PLA2G7: variants seen among roughly 807,000 people sequenced by gnomAD.
The protein encoded by PLA2G7 is platelet-activating factor acetylhydrolase.
In PLA2G7, 63 loss-of-function variants were observed where a neutral mutation model predicts 49.6. The observed-to-expected ratio is 1.27, with a 90% CI of 1.04 to 1.57. The LOEUF is 1.57. Among genes scored for constraint, PLA2G7 ranks in the 40% most tolerant of loss-of-function variants. The pLI is 0.00. For synonymous variants in PLA2G7, 193 were observed against 169.9 expected, an observed-to-expected ratio of 1.14 and a Z score of -1.06; for missense variants, 596 against 521.2, an observed-to-expected ratio of 1.14 and a Z score of -1.40.
chr6:46,713,215 A>G (rs899390058), intron 5 of PLA2G7, among the ~76,000 whole-genome samples: 6 of 152,252 alleles, frequency 3.9e-5, no homozygotes, highest in African/African-American at 1.4e-4. Flanking sequence ...CATGCATTCA[A>G]TAGGAAATGT....
intron 1 of PLA2G7, among the ~76,000 whole-genome samples, chr6:46,727,413 G>T (rs577543998): frequency 1.8e-4 from 28 of 152,280 alleles, no homozygotes; most frequent in Non-Finnish European, 3.7e-4. Context: ...CTTAGCTCTT[G>T]TGTTATTAGT....
Position 46,704,324 on chromosome 6 carries a change from G to A in PLA2G7, c.*236C>T. 2.0e-6 allele frequency: 1 copy of A among 499,234 alleles called. No individual in the cohort carries two copies. The highest frequency in any genetic ancestry group is 3.6e-6 in the Non-Finnish European group (1 of 276,274). 30.9% of individuals were successfully genotyped at this position (499,234 alleles called of 1,614,324 possible). On this transcript the variant is annotated 3_prime_UTR_variant, in exon 12 of 12. Transcript: ENST00000274793. The stretch of plus-strand genomic sequence containing the variant: ...TAAAATTTAGGCTGATATGAATATT[G>A]TATACTGTATTCTTTCTTTACATCT...
intron 2 of PLA2G7, among the ~76,000 whole-genome samples, chr6:46,719,970 C>A (rs1765342728): frequency 6.6e-6 from 1 of 152,132 alleles, no homozygotes. Context: ...TTTTGAATTA[C>A]AAAAGGCTCT....
chr6:46,704,913 G>A (rs1241594063), intron 11 of PLA2G7, among the ~76,000 whole-genome samples: 3 of 152,164 alleles, frequency 2.0e-5, no homozygotes, highest in South Asian at 2.1e-4. Context: ...CAACATGGAA[G>A]TCCACTCTAG....
intron 1 of PLA2G7, among the ~76,000 whole-genome samples, chr6:46,724,046 T>C (rs146717211): frequency 6.6e-6 from 1 of 152,260 alleles, no homozygotes; most frequent in East Asian, 1.9e-4. Flanking sequence ...GGAATGCTCT[T>C]TGCTCTGACA....
At chr6:46,708,279 T>C in intron 9 of PLA2G7, 118 bp from the exon 10 acceptor site, 1 of 805,494 alleles carries the variant, frequency 1.2e-6, no homozygotes, top group South Asian at 1.4e-5. Context: ...TTATGGGTTA[T>C]CTCATTGGAA....
chr6:46,705,240 T>C lies in PLA2G7; in HGVS notation c.1102A>G (p.Met368Val). 4 of 1,608,238 alleles carry C rather than the reference T, an allele frequency of 2.5e-6. No homozygotes were observed. The highest frequency in any genetic ancestry group is 3.4e-6 in the Non-Finnish European group (4 of 1,174,774). Residue 368 changes from methionine to valine, a missense_variant, in exon 11 of 12, where the codon ATG (methionine) becomes GTG (valine). Transcript: ENST00000274793. The part of the protein sequence containing the change: ...TFATGKIIGH[M>V]LKLKGDIDSN... ...TCTATGTCTCCCTTTAATTTGAGCATGTGTCCAATTATTTTGCCAGTTGCA... is the reference window on the plus strand; with the variant it reads ...TCTATGTCTCCCTTTAATTTGAGCACGTGTCCAATTATTTTGCCAGTTGCA...
At chr6:46,724,625 G>A (rs996059314) in intron 1 of PLA2G7, among the ~76,000 whole-genome samples, 1 of 152,182 alleles carries the variant, frequency 6.6e-6, no homozygotes, top group African/African-American at 2.4e-5. Flanking sequence ...TTGAACAGAA[G>A]TCGTCTGCAA....
Position 46,708,018 on chromosome 6 carries a change from T to C in PLA2G7, c.1013A>G (p.Asp338Gly). 6.3e-7 allele frequency: 1 copy of C among 1,581,788 alleles called. No homozygotes were observed. Among genetic ancestry groups the C allele is most frequent in the Non-Finnish European group, 8.7e-7 (1 of 1,151,160 alleles). Reference sequence around the variant, plus strand: ...GATTGTAATCATCTTTCTTTCTTTATCAGGTGAGTAGCATTTTTTCATTTT... The same window carrying C: ...GATTGTAATCATCTTTCTTTCTTTACCAGGTGAGTAGCATTTTTTCATTTT... The part of the protein sequence containing the change: ...IIKMKKCYSP[D>G]KERKMITIRG... The change falls in exon 10 of 12, where the codon GAT becomes GGT. Residue 338 changes from aspartate (D) to glycine (G), a missense_variant. Transcript: ENST00000274793.
At chr6:46,714,640 A>G in intron 4 of PLA2G7, 87 bp from the exon 5 acceptor site, 1 of 830,000 alleles carries the variant, frequency 1.2e-6, no homozygotes, top group Non-Finnish European at 2.1e-6. Context: ...TAAAATGCAG[A>G]CCCATCTGAT....
chr6:46,723,029 A>C, intron 1 of PLA2G7, 104 bp from the exon 2 acceptor site: 1 of 677,608 alleles, frequency 1.5e-6, no homozygotes, highest in Non-Finnish European at 2.7e-6. Context: ...CTTGGAAAAA[A>C]TAAAACATGT....
intron 1 of PLA2G7, among the ~76,000 whole-genome samples, chr6:46,726,186 C>G (rs981495504): frequency 1.3e-5 from 2 of 152,150 alleles, no homozygotes; most frequent in African/African-American, 4.8e-5. Context: ...AGAGTCCTGC[C>G]TTGGGCAGGT....
intron 2 of PLA2G7, 32 bp from the exon 3 acceptor site, chr6:46,717,128 C>A: frequency 1.3e-6 from 2 of 1,581,338 alleles, no homozygotes; most frequent in South Asian, 2.2e-5. Flanking sequence ...TCTCATTTGT[C>A]ATCCATTACA....
Position 46,704,661 on chromosome 6 carries a change from TCAAG to T in PLA2G7, c.1221_1224del (p.Cys407Ter). The stretch of plus-strand genomic sequence containing the variant: ...ATAAGATTCTCATCATCTCCTTCAA[TCAAG>T]CAGTCCCACTGATCAAAATCTTTAT... On this transcript the variant is annotated frameshift_variant, in exon 12 of 12. Coordinates refer to ENST00000274793, the MANE Select transcript of PLA2G7 (RefSeq NM_005084.4). LOFTEE classifies it low-confidence loss of function (END_TRUNC). The T allele has an allele frequency of 6.3e-7, 1 of 1,578,976 alleles. No individual in the cohort carries two copies. The highest frequency in any genetic ancestry group is 8.7e-7 in the Non-Finnish European group (1 of 1,147,826).
intron 7 of PLA2G7, among the ~76,000 whole-genome samples, chr6:46,711,193 A>G (rs531350639): frequency 2.6e-5 from 4 of 152,300 alleles, no homozygotes; most frequent in African/African-American, 9.6e-5. Context: ...GTCTGTGAGG[A>G]AGAATCTATT....
At chr6:46,716,101 C>G (rs1323623004) in intron 4 of PLA2G7, among the ~76,000 whole-genome samples, 1 of 152,160 alleles carries the variant, frequency 6.6e-6, no homozygotes, top group Non-Finnish European at 1.5e-5. Flanking sequence ...CACGGTATTG[C>G]CTTCTCCATG....
chr6:46,729,588 G>T (rs922437620), intron 1 of PLA2G7, among the ~76,000 whole-genome samples: 2 of 152,110 alleles, frequency 1.3e-5, no homozygotes, highest in African/African-American at 4.8e-5. Context: ...GTTAAATAAC[G>T]TGCCCAAGTT....
At chr6:46,719,921 T>A (rs924698402) in intron 2 of PLA2G7, among the ~76,000 whole-genome samples, 1 of 152,248 alleles carries the variant, frequency 6.6e-6, no homozygotes, top group Admixed American at 6.5e-5. Flanking sequence ...AGAAACTTTT[T>A]TTTTAAACTT....
rs200160568 is a variant in PLA2G7 at position 46,709,435 on chromosome 6, G to C, written c.778-17C>G. 1.1e-4 allele frequency: 148 copies of C among 1,370,536 alleles called. 2 individuals carry two copies. The South Asian group carries it at 1.6e-3, about 15-fold the overall frequency. The allele number at this position is 1,370,536 out of a possible 1,614,324, so 84.9% of individuals were successfully genotyped here. ...AATAGAGTCCTATTTGAAAAAGCAT[G>C]ATATAAATTTATAGCTATTTCGTGG... is the stretch of plus-strand genomic sequence containing the variant. On this transcript the variant is annotated splice_polypyrimidine_tract_variant and intron_variant, in intron 8 of 11. Transcript: ENST00000274793.
Sources: allele counts gnomAD v4.1 joint callset (sites outside exome capture counted in the v4.1 genomes callset), GRCh38; gene constraint gnomAD v4.1.1; transcripts MANE v1.5; gene names NCBI Gene and HGNC (gene_info 2026-07-23, HGNC 2026-07-21).